HEATR6: variants seen among roughly 807,000 people sequenced by gnomAD.
The protein encoded by HEATR6 is HEAT repeat containing 6.
In HEATR6, 106 loss-of-function variants were observed where a neutral mutation model predicts 132.8. That is an observed-to-expected ratio of 0.80 (90% CI 0.68 to 0.94). HEATR6 has a LOEUF of 0.94. Among genes scored for constraint, HEATR6 ranks in the 40% least tolerant of loss-of-function variants. The pLI is 0.00. For synonymous variants in HEATR6, 529 were observed against 537.8 expected (o/e 0.98, Z 0.23); for missense variants, 1,339 against 1,425.1 (o/e 0.94, Z 0.97).
chr17:60,059,609 G>T, intron 10 of HEATR6, 88 bp from the exon 11 acceptor site: 5 of 878,292 alleles, frequency 5.7e-6, no homozygotes, highest in South Asian at 3.2e-5. Context: ...AAAAAGAAAA[G>T]TTTTCACACA....
Position 60,043,788 on chromosome 17 carries a change from T to C in HEATR6, c.3321A>G (p.Leu1107=), listed in dbSNP as rs1030035619. 31 of 1,614,200 alleles carry C rather than the reference T, an allele frequency of 1.9e-5. No individual in the cohort carries two copies. Among genetic ancestry groups the C allele is most frequent in the Non-Finnish European group, 2.5e-5 (30 of 1,180,026 alleles). ...CCTCTGCTCCTGATTTTAAAAACTG[T>C]AGAATATAGGACTGGACCATATTCC... is the stretch of plus-strand genomic sequence containing the variant. ...LSGNMVQSYI[L]QFLKSGAEGD... is the part of the protein sequence containing the mutation. Residue 1107 remains leucine (L), a synonymous_variant, in exon 20 of 20, where the codon CTA becomes CTG. Coordinates refer to ENST00000184956, the MANE Select transcript of HEATR6 (RefSeq NM_022070.5).
intron 15 of HEATR6, 30 bp downstream of exon 15, chr17:60,050,813 T>A: frequency 6.2e-7 from 1 of 1,613,402 alleles, no homozygotes; most frequent in Non-Finnish European, 8.5e-7. Context: ...CCAGCCATGA[T>A]TTAAGGGTGA....
At position 60,076,137 on chromosome 17, in the gene HEATR6, C is replaced by A. The variant is rs765677955; in HGVS notation, c.320G>T (p.Arg107Ile). Residue 107 changes from arginine to isoleucine, a missense_variant, in exon 2 of 20, where the codon AGA becomes ATA. Coordinates refer to ENST00000184956, the MANE Select transcript of HEATR6 (RefSeq NM_022070.5). ...VSQLIHHLLNRLQVIVDEQHL... is the reference protein window; with the variant it reads ...VSQLIHHLLNILQVIVDEQHL... ...AGTTACATACATGATTACCTGTAAT[C>A]TGTTAAGTAAATGGTGGATAAGCTG... 1.9e-6 allele frequency: 3 copies of A among 1,577,276 alleles called. No individual in the cohort carries two copies. Among genetic ancestry groups the A allele is most frequent in the African/African-American group, 1.3e-5 (1 of 74,232 alleles).
rs933327966 is a variant in HEATR6, at chr17:60,043,317, A to G, written c.*246T>C. On this transcript the variant is annotated 3_prime_UTR_variant, in exon 20 of 20. Coordinates refer to ENST00000184956, the MANE Select transcript of HEATR6 (RefSeq NM_022070.5). ...AAAGCCCGTCTGCTTGGCCTGTATT[A>G]CAACCTGACTCCTCGGCTCCTGGAT... 3 of 486,124 alleles carry G rather than the reference A, an allele frequency of 6.2e-6. No homozygotes were observed. Among genetic ancestry groups the G allele is most frequent in the African/African-American group, 1.9e-5 (1 of 51,472 alleles). The allele number at this position is 486,124 out of a possible 1,614,324, so 30.1% of individuals were successfully genotyped here.
Position 60,065,336 on chromosome 17 carries a change from T to C in HEATR6, c.1416+873A>G, listed in dbSNP as rs190104845. On this transcript the variant is annotated intron_variant, in intron 9 of 19. Transcript: ENST00000184956. ...AAGTTACTCAAGGAGATGACTCATA[T>C]GGAATTCCAACGTATTGTGGGTTAC... is the stretch of plus-strand genomic sequence containing the variant. 3.1e-3 allele frequency among the ~76,000 whole-genome samples: 471 copies of C among 152,350 alleles called. 6 individuals are homozygous for C. The highest frequency in any genetic ancestry group is 0.02 in the Admixed American group (307 of 15,308).
At chr17:60,056,567 A>G (rs559092940) in intron 12 of HEATR6, among the ~76,000 whole-genome samples, 1 of 152,322 alleles carries the variant, frequency 6.6e-6, no homozygotes, top group African/African-American at 2.4e-5. Context: ...CCAGTTAATC[A>G]GCAGCAGACC....
At chr17:60,045,754 A>C (rs1906343886) in intron 19 of HEATR6, among the ~76,000 whole-genome samples, 1 of 152,202 alleles carries the variant, frequency 6.6e-6, no homozygotes, top group African/African-American at 2.4e-5. Context: ...AAATTATTTA[A>C]TACCTGCTTT....
At chr17:60,052,352 A>G (rs1310928031) in intron 14 of HEATR6, among the ~76,000 whole-genome samples, 1 of 152,226 alleles carries the variant, frequency 6.6e-6, no homozygotes, top group Non-Finnish European at 1.5e-5. Context: ...GAGAAAATAA[A>G]TGTACATTGC....
intron 16 of HEATR6, among the ~76,000 whole-genome samples, chr17:60,049,000 AT>A (rs1238398307): frequency 7.7e-6 from 1 of 130,528 alleles, no homozygotes; most frequent in Non-Finnish European, 1.6e-5. Context: ...ATATATATAT[AT>A]ATATATATAT....
rs375930674 is a variant in HEATR6, at chr17:60,051,014, C to T, written c.2290-37G>A. 8.1e-6 allele frequency: 13 copies of T among 1,609,160 alleles called. No individual in the cohort carries two copies. In the African/African-American group the frequency reaches 1.5e-4, roughly 18 times the overall value. Reference sequence around the variant, plus strand: ...GCAAAGTAAAAGCTGCAGCCCAAGACATAACAGGGGAACCAACTTGGAGCT... The same window carrying T: ...GCAAAGTAAAAGCTGCAGCCCAAGATATAACAGGGGAACCAACTTGGAGCT... On this transcript the variant is annotated intron_variant, in intron 14 of 19. Coordinates refer to ENST00000184956, the MANE Select transcript of HEATR6 (RefSeq NM_022070.5).
chr17:60,073,492 T>C (rs1309830984), intron 3 of HEATR6, among the ~76,000 whole-genome samples: 4 of 152,204 alleles, frequency 2.6e-5, no homozygotes, highest in Non-Finnish European at 5.9e-5. Flanking sequence ...TGATGCTCTT[T>C]AGTGTGGCCG....
In HEATR6 at chr17:60,043,303, G is replaced by T; in HGVS notation, c.*260C>A. The T allele has an allele frequency of 2.3e-6, 1 of 440,364 alleles. No homozygotes were observed. The highest frequency in any genetic ancestry group is 4.0e-6 in the Non-Finnish European group (1 of 247,628). The allele number at this position is 440,364 out of a possible 1,614,324, so 27.3% of individuals were successfully genotyped here. ...GACTAAATGCCCTCAAAGCCCGTCTGCTTGGCCTGTATTACAACCTGACTC... is the reference window on the plus strand; with the variant it reads ...GACTAAATGCCCTCAAAGCCCGTCTTCTTGGCCTGTATTACAACCTGACTC... On this transcript the variant is annotated 3_prime_UTR_variant, in exon 20 of 20. Transcript: ENST00000184956.
At chr17:60,058,769 C>T (rs575366791) in intron 11 of HEATR6, among the ~76,000 whole-genome samples, 169 of 152,264 alleles carry the variant, frequency 1.1e-3, no homozygotes, top group African/African-American at 4.0e-3. Flanking sequence ...CCCACTATGT[C>T]ACAGAAAACA....
chr17:60,048,632 C>T (rs2145180869), intron 16 of HEATR6, among the ~76,000 whole-genome samples: 1 of 152,202 alleles, frequency 6.6e-6, no homozygotes, highest in Non-Finnish European at 1.5e-5. Context: ...ATGGATTTTG[C>T]TGTTATGAAC....
At chr17:60,072,397 T>A in intron 4 of HEATR6, 68 bp from the exon 5 acceptor site, 1 of 795,314 alleles carries the variant, frequency 1.3e-6, no homozygotes, top group Non-Finnish European at 2.1e-6. Flanking sequence ...AAAGACTAAT[T>A]AAAAATAGCA....
chr17:60,043,566 C>G lies in HEATR6; in HGVS notation c.3543G>C (p.Gln1181His). 6.2e-7 allele frequency: 1 copy of G among 1,606,772 alleles called. No homozygotes were observed. Among genetic ancestry groups the G allele is most frequent in the Non-Finnish European group, 8.5e-7 (1 of 1,174,464 alleles). The change falls in exon 20 of 20, where the codon CAG (glutamine) becomes CAC (histidine). Residue 1181 changes from glutamine (Q) to histidine (H), a missense_variant. Gln to His is a conservative substitution (Grantham distance 24, BLOSUM62 0). Coordinates refer to ENST00000184956, the MANE Select transcript of HEATR6 (RefSeq NM_022070.5). Reference protein sequence around the residue: ...SQGALPGLTNQ With the variant: ...SQGALPGLTNH ...TCTAGAAAGTATGGTGGGATCTTCACTGATTTGTTAACCCTGGGAGTGCCC... is the reference window on the plus strand; with the variant it reads ...TCTAGAAAGTATGGTGGGATCTTCAGTGATTTGTTAACCCTGGGAGTGCCC...
At chr17:60,065,657 A>C (rs2083236706) in intron 9 of HEATR6, among the ~76,000 whole-genome samples, 1 of 152,246 alleles carries the variant, frequency 6.6e-6, no homozygotes, top group East Asian at 1.9e-4. Context: ...TTTTAAAAAT[A>C]AGTTTTTCTC....
At chr17:60,052,420 A>T (rs1906612390) in intron 14 of HEATR6, among the ~76,000 whole-genome samples, 2 of 152,166 alleles carry the variant, frequency 1.3e-5, no homozygotes, top group Admixed American at 1.3e-4. Flanking sequence ...TGTAGAAAAC[A>T]TGACTTTTTT....
chr17:60,073,565 T>C (rs1043081047), intron 3 of HEATR6, among the ~76,000 whole-genome samples, 181 bp downstream of exon 3: 1 of 152,174 alleles, frequency 6.6e-6, no homozygotes. Context: ...GGCCATGAAC[T>C]TGACACGTAT....
Sources: gnomAD v4.1 joint callset for allele counts (sites outside exome capture counted in the v4.1 genomes callset) on GRCh38, gnomAD v4.1.1 for gene constraint, MANE v1.5 for transcripts, NCBI Gene and HGNC (gene_info 2026-07-23, HGNC 2026-07-21) for gene names.